SMARCC1: variants seen among roughly 807,000 people sequenced by gnomAD.
SMARCC1 encodes SWI/SNF complex subunit SMARCC1.
SMARCC1 carries 43 observed loss-of-function variants against 147.4 expected under a neutral mutation model. That is an observed-to-expected ratio of 0.29 (90% CI 0.23 to 0.38). SMARCC1 has a LOEUF of 0.38. Ranked by LOEUF, SMARCC1 falls within the 10% of genes least tolerant of loss-of-function variation. SMARCC1 has a pLI of 1.00. For missense variants in SMARCC1, 1,119 were observed against 1,381.1 expected (o/e 0.81, Z 3.01); for synonymous variants, 495 against 484.4 (o/e 1.02, Z -0.29).
chr3:47,631,820 A>G (rs2032895310), intron 24 of SMARCC1, among the ~76,000 whole-genome samples: 1 of 152,330 alleles, frequency 6.6e-6, no homozygotes, highest in South Asian at 2.1e-4. Flanking sequence ...TACATAAGTT[A>G]TATATTAATT....
intron 2 of SMARCC1, among the ~76,000 whole-genome samples, chr3:47,747,451 A>ATAAATATAAATATAAATATAAATG (rs2034577494): frequency 6.9e-6 from 1 of 144,512 alleles, no homozygotes; most frequent in African/African-American, 2.5e-5. Flanking sequence ...AAATATAAAT[A>ATAAATATAAATATAAATATAAATG]TAAATATAAA....
At chr3:47,728,519 G>A (rs1189189905) in intron 6 of SMARCC1, among the ~76,000 whole-genome samples, 1 of 152,056 alleles carries the variant, frequency 6.6e-6, no homozygotes, top group Non-Finnish European at 1.5e-5. Flanking sequence ...AATTTCTTGA[G>A]AAAGATGTTT....
At chr3:47,735,313 A>G (rs1478516542) in intron 5 of SMARCC1, among the ~76,000 whole-genome samples, 2 of 152,166 alleles carry the variant, frequency 1.3e-5, no homozygotes, top group African/African-American at 4.8e-5. Context: ...TCTAGGCTAA[A>G]AGCTAAAGAT....
intron 19 of SMARCC1, 65 bp downstream of exon 19, chr3:47,670,593 C>T (rs561292917): frequency 9.2e-7 from 1 of 1,082,412 alleles, no homozygotes. Flanking sequence ...CTAAATAAAA[C>T]AAAACAAAAT....
chr3:47,705,105 C>T (rs982880989), intron 10 of SMARCC1, among the ~76,000 whole-genome samples: 6 of 151,670 alleles, frequency 4.0e-5, no homozygotes, highest in East Asian at 1.9e-4. Context: ...AGGTGGATCA[C>T]GAGGTCAGGA....
intron 14 of SMARCC1, among the ~76,000 whole-genome samples, chr3:47,684,661 T>C (rs777705669): frequency 5.9e-5 from 9 of 152,112 alleles, no homozygotes; most frequent in Non-Finnish European, 1.2e-4. Context: ...CAGGCTATTC[T>C]TGAACTGCTG....
intron 1 of SMARCC1, among the ~76,000 whole-genome samples, chr3:47,773,700 G>A (rs1234993196): frequency 6.6e-6 from 1 of 151,830 alleles, no homozygotes; most frequent in African/African-American, 2.4e-5. Flanking sequence ...CATCATCTCA[G>A]CTCACTGCAA....
At chr3:47,678,974 G>A (rs937770170) in intron 15 of SMARCC1, among the ~76,000 whole-genome samples, 3 of 152,120 alleles carry the variant, frequency 2.0e-5, no homozygotes, top group African/African-American at 7.2e-5. Context: ...TCACGGCGGG[G>A]CAATAAGTAG....
At chr3:47,663,798 A>G in intron 19 of SMARCC1, 2 of 1,581,822 alleles carry the variant, frequency 1.3e-6, no homozygotes, top group Non-Finnish European at 1.7e-6. Context: ...GCCCTCACCT[A>G]CAGCCTCTAT....
In SMARCC1 at chr3:47,588,175, G is replaced by GT; in HGVS notation, c.*33dup. On this transcript the variant is annotated 3_prime_UTR_variant, in exon 28 of 28. Coordinates refer to ENST00000254480, the MANE Select transcript of SMARCC1 (RefSeq NM_003074.4). ...CTTGTCATCCCCACTCCAGCTCATG[G>GT]TGGTGGGCGTGGAGGTTCCCTGCAT... is the stretch of plus-strand genomic sequence containing the variant. 1.3e-6 allele frequency: 2 copies of GT among 1,509,342 alleles called. No individual in the cohort carries two copies. Among genetic ancestry groups the GT allele is most frequent in the Non-Finnish European group, 1.8e-6 (2 of 1,089,196 alleles). 93.5% of individuals were successfully genotyped at this position (1,509,342 alleles called of 1,614,324 possible). A position where few individuals can be genotyped will look rare whatever the true frequency, so the allele number is the denominator to read the frequency against.
intron 26 of SMARCC1, among the ~76,000 whole-genome samples, chr3:47,593,070 A>C (rs1282567968): frequency 6.6e-6 from 1 of 151,470 alleles, no homozygotes; most frequent in African/African-American, 2.4e-5. Flanking sequence ...CAAGTGATCC[A>C]CCCACCTCAG....
intron 19 of SMARCC1, among the ~76,000 whole-genome samples, chr3:47,668,103 G>C (rs2033446452): frequency 6.6e-6 from 1 of 152,124 alleles, no homozygotes; most frequent in Non-Finnish European, 1.5e-5. Context: ...CTGTGGAATA[G>C]AGTGGCTCCA....
In SMARCC1 at chr3:47,686,120, C is replaced by G. The variant is rs1297189343; in HGVS notation, c.1314G>C (p.Gly438=). ...KGDQSRSVDL[G]EDNVTEQTNH... ...TGGTCTGCTCTGTCACATTATCTTC[C>G]CCAAGGTCAACTGATCGACTCTGAT... Residue 438 remains glycine, a synonymous_variant, in exon 14 of 28, where the codon GGG becomes GGC. Transcript: ENST00000254480. 1 of 1,612,040 alleles carries G rather than the reference C, an allele frequency of 6.2e-7. No homozygotes were observed. The highest frequency in any genetic ancestry group is 1.1e-5 in the South Asian group (1 of 91,040).
chr3:47,723,701 T>C (rs933929980), intron 6 of SMARCC1, among the ~76,000 whole-genome samples: 2 of 152,014 alleles, frequency 1.3e-5, no homozygotes, highest in Non-Finnish European at 2.9e-5. Flanking sequence ...TAATCCCAGC[T>C]ACTTGAGTGG....
At chr3:47,773,258 G>A (rs2034936722) in intron 1 of SMARCC1, among the ~76,000 whole-genome samples, 1 of 151,818 alleles carries the variant, frequency 6.6e-6, no homozygotes, top group Non-Finnish European at 1.5e-5. Flanking sequence ...CTCCAGAGTA[G>A]CTGGGATTAC....
rs545638922 is a variant in SMARCC1, at chr3:47,676,718, T to C, written c.1636A>G (p.Met546Val). 5.6e-6 allele frequency: 9 copies of C among 1,613,670 alleles called. No individual in the cohort carries two copies. The East Asian group carries it at 1.8e-4, about 32-fold the overall frequency. The stretch of plus-strand genomic sequence containing the variant: ...GGAGTAGGAGGAGGTCCCATTGCCA[T>C]GGGTCTACTTTCCGGGTCAACTTGG... ...NYQVDPESRP[M>V]AMGPPPTPHF... The change falls in exon 17 of 28, where the codon ATG becomes GTG. Residue 546 changes from methionine to valine, a missense_variant. By Grantham distance (21) the Met-to-Val change is conservative. Transcript: ENST00000254480.
chr3:47,731,650 C>T (rs907996198), intron 5 of SMARCC1, among the ~76,000 whole-genome samples: 2 of 152,194 alleles, frequency 1.3e-5, no homozygotes, highest in African/African-American at 4.8e-5. Flanking sequence ...TGTTACTATG[C>T]ATGGAAATAA....
rs2032094352 is a variant in SMARCC1 at position 47,587,703 on chromosome 3, C to G, written c.*506G>C. 1 of 154,032 alleles carries G rather than the reference C, an allele frequency of 6.5e-6. No homozygotes were observed. The highest frequency in any genetic ancestry group is 1.4e-5 in the Non-Finnish European group (1 of 69,062). The allele number at this position is 154,032 out of a possible 1,614,324, so 9.5% of individuals were successfully genotyped here. On this transcript the variant is annotated 3_prime_UTR_variant, in exon 28 of 28. Transcript: ENST00000254480. ...GCAGAAATAAGGTCACTTATAATGC[C>G]TTAAGGTTTGTCCCCTGTGGCTATT...
chr3:47,671,039 G>C (rs988815975), intron 18 of SMARCC1, among the ~76,000 whole-genome samples: 1 of 151,522 alleles, frequency 6.6e-6, no homozygotes, highest in Non-Finnish European at 1.5e-5. Context: ...ACAAAAATTA[G>C]CCGAGAGTGG....
Sources: allele counts gnomAD v4.1 joint callset (sites outside exome capture counted in the v4.1 genomes callset), GRCh38; gene constraint gnomAD v4.1.1; transcripts MANE v1.5; gene names NCBI Gene and HGNC (gene_info 2026-07-23, HGNC 2026-07-21).